ZC3H12B: variants seen among roughly 807,000 people sequenced by gnomAD.
The protein encoded by ZC3H12B is probable ribonuclease ZC3H12B.
In ZC3H12B, 7 loss-of-function variants were observed where a neutral mutation model predicts 43.9. The ratio of observed to expected loss-of-function variants is 0.16; its 90% CI spans 0.09 to 0.30. ZC3H12B has a LOEUF of 0.30. Among genes scored for constraint, ZC3H12B ranks in the 10% least tolerant of loss-of-function variants. The pLI, the probability that ZC3H12B is intolerant of heterozygous loss-of-function variation, is 1.00. For synonymous variants in ZC3H12B, 222 were observed against 241.7 expected (o/e 0.92, Z 0.76); for missense variants, 475 against 670.2 (o/e 0.71, Z 3.22).
the ZC3H12B span, among the ~76,000 whole-genome samples, chrX:65,196,767 C>T: frequency 2.7e-5 from 3 of 111,592 alleles, no homozygotes; most frequent in Non-Finnish European, 5.6e-5. Flanking sequence ...ATCACCTCCT[C>T]TTCCCTCAGC....
At chrX:65,038,227 G>C in the ZC3H12B span, among the ~76,000 whole-genome samples, 1 of 111,314 alleles carries the variant, frequency 9.0e-6, no homozygotes, top group African/African-American at 3.3e-5. Flanking sequence ...TGAAATTTTT[G>C]AGGCTTTATA....
At chrX:65,094,291 G>A in the ZC3H12B span, among the ~76,000 whole-genome samples, 1 of 106,480 alleles carries the variant, frequency 9.4e-6, no homozygotes, top group African/African-American at 3.4e-5. Flanking sequence ...ATTACCAAGT[G>A]TCAGGCATTT....
At chrX:65,252,655 G>C in the ZC3H12B span, among the ~76,000 whole-genome samples, 1 of 111,502 alleles carries the variant, frequency 9.0e-6, no homozygotes, top group Admixed American at 9.5e-5. Context: ...TCTCCATTTA[G>C]CCTCTCAATA....
At chrX:65,448,513 T>C (rs1490776929) in intron 3 of ZC3H12B, among the ~76,000 whole-genome samples, 1 of 110,839 alleles carries the variant, frequency 9.0e-6, no homozygotes. Context: ...CATCAACAAA[T>C]GTGTGGATAA....
the ZC3H12B span, chrX:65,271,427 G>A: frequency 4.4e-5 from 5 of 112,833 alleles, no homozygotes; most frequent in East Asian, 8.3e-4. Flanking sequence ...TCCAATGAGT[G>A]TAAATACAGT....
chrX:65,153,404 CA>C, the ZC3H12B span, among the ~76,000 whole-genome samples: 2 of 112,037 alleles, frequency 1.8e-5, no homozygotes, highest in Non-Finnish European at 3.8e-5. Flanking sequence ...ACAACCCCAT[CA>C]AAAAGTGGGC....
the ZC3H12B span, among the ~76,000 whole-genome samples, chrX:65,133,652 TAAA>T: frequency 9.1e-6 from 1 of 110,465 alleles, no homozygotes; most frequent in East Asian, 2.9e-4. Flanking sequence ...GGGGAGGTGA[TAAA>T]AGGATTATAG....
the ZC3H12B span, among the ~76,000 whole-genome samples, chrX:65,239,630 G>A: frequency 2.7e-5 from 3 of 112,033 alleles, no homozygotes; most frequent in Non-Finnish European, 5.6e-5. Flanking sequence ...GATGGTAGCT[G>A]TTTATTTTGC....
intron 3 of ZC3H12B, among the ~76,000 whole-genome samples, chrX:65,416,447 C>A (rs996886110): frequency 4.5e-5 from 5 of 110,225 alleles, no homozygotes; most frequent in African/African-American, 1.3e-4. Context: ...TATTGTGATC[C>A]CCAGAACAGT....
At chrX:65,393,656 A>C (rs1461501107) in intron 2 of ZC3H12B, among the ~76,000 whole-genome samples, 1 of 112,034 alleles carries the variant, frequency 8.9e-6, no homozygotes, top group Non-Finnish European at 1.9e-5. Flanking sequence ...TATGCAATAA[A>C]CACATGTGTA....
chrX:65,045,565 A>G, the ZC3H12B span, among the ~76,000 whole-genome samples: 1 of 111,762 alleles, frequency 8.9e-6, no homozygotes, highest in East Asian at 2.8e-4. Context: ...TTCTGATTCT[A>G]ATTCTTCTGC....
At chrX:65,450,318 T>A (rs1164307388) in intron 3 of ZC3H12B, among the ~76,000 whole-genome samples, 25 of 86,732 alleles carry the variant, frequency 2.9e-4, no homozygotes, top group African/African-American at 1.0e-3. Flanking sequence ...AAAAAATATA[T>A]ATATATATAC....
chrX:65,162,587 G>A, the ZC3H12B span, among the ~76,000 whole-genome samples: 9 of 111,465 alleles, frequency 8.1e-5, no homozygotes, highest in Non-Finnish European at 1.3e-4. Flanking sequence ...CATTCTTCAC[G>A]TAGTTCTCGA....
the ZC3H12B span, among the ~76,000 whole-genome samples, chrX:65,080,793 T>C: frequency 1.5e-3 from 171 of 111,451 alleles, 2 homozygotes; most frequent in African/African-American, 5.4e-3. Context: ...GGTACAAAAC[T>C]CACTGGTAAT....
chrX:65,418,580 G>A (rs993173649), intron 3 of ZC3H12B, among the ~76,000 whole-genome samples: 2 of 111,721 alleles, frequency 1.8e-5, no homozygotes, highest in Non-Finnish European at 3.8e-5. Context: ...GGACAACCAA[G>A]TCAAAGCAAC....
the ZC3H12B span, among the ~76,000 whole-genome samples, chrX:65,303,064 C>T: frequency 1.1e-4 from 12 of 111,495 alleles, no homozygotes; most frequent in Non-Finnish European, 2.1e-4. Context: ...CTAAAAATAA[C>T]ACTGAAAAAA....
At chrX:65,199,801 C>T in the ZC3H12B span, among the ~76,000 whole-genome samples, 2 of 105,433 alleles carry the variant, frequency 1.9e-5, no homozygotes, top group Non-Finnish European at 3.9e-5. Flanking sequence ...TTTGTAGCTG[C>T]AGTATACCAT....
chrX:65,374,266 T>G (rs1197571711), intron 2 of ZC3H12B, among the ~76,000 whole-genome samples: 14 of 72,653 alleles, frequency 1.9e-4, no homozygotes, highest in African/African-American at 1.8e-3. Context: ...TATAGTAATA[T>G]ATACTATATA....
the ZC3H12B span, among the ~76,000 whole-genome samples, chrX:65,085,616 TAAA>T: frequency 1.8e-5 from 2 of 109,169 alleles, no homozygotes; most frequent in Admixed American, 9.9e-5. Context: ...CTACAAAAAA[TAAA>T]AAATTAGCCA....
Sources: allele counts gnomAD v4.1 joint callset (sites outside exome capture counted in the v4.1 genomes callset), GRCh38; gene constraint gnomAD v4.1.1; transcripts MANE v1.5; gene names NCBI Gene and HGNC (gene_info 2026-07-23, HGNC 2026-07-21).